Variants in OR2B11 observed in about 807,000 individuals in gnomAD.
OR2B11 encodes the protein olfactory receptor 2B11.
For synonymous variants in OR2B11, 198 were observed against 174.5 expected, an observed-to-expected ratio of 1.13 and a Z score of -1.06; for missense variants, 422 against 400.0, an observed-to-expected ratio of 1.05 and a Z score of -0.47.
rs1054229363 is a variant in OR2B11, at chr1:247,454,936, C to T, written c.-2954G>A. On this transcript the variant is annotated 5_prime_UTR_variant, in exon 2 of 2. Transcript: ENST00000641149. ...TTCAATTACCAAAAACGTAAGAACC[C>T]GTCGCTCAAGAGTTACCTGCTGATT... The T allele has an allele frequency of 1.3e-5, 2 of 152,166 alleles. No homozygotes were observed. Among genetic ancestry groups the T allele is most frequent in the East Asian group, 3.9e-4 (2 of 5,190 alleles). The allele number at this position is 152,166 out of a possible 1,614,324, so 9.4% of individuals were successfully genotyped here.
chr1:247,457,597 T>C (rs1308478925), intron 1 of OR2B11, 42 bp downstream of exon 1: 1 of 152,286 alleles, frequency 6.6e-6, no homozygotes, highest in Non-Finnish European at 1.5e-5. Flanking sequence ...CACTGCACTG[T>C]ACAGATTTCA....
chr1:247,452,075 T>C lies in OR2B11; in HGVS notation c.-93A>G. 5.4e-6 allele frequency: 4 copies of C among 747,620 alleles called. No individual in the cohort carries two copies. The highest frequency in any genetic ancestry group is 9.0e-6 in the Non-Finnish European group (4 of 443,370). 46.3% of individuals were successfully genotyped at this position (747,620 alleles called of 1,614,324 possible). A position where few individuals can be genotyped will look rare whatever the true frequency, so the allele number is the denominator to read the frequency against. On this transcript the variant is annotated 5_prime_UTR_variant, in exon 2 of 2. An upstream start codon of the reference 5' UTR is lost. Transcript: ENST00000641149. ...ATTGATCACTTTCCTCCCTCTTGCATCCACTCTTCCTTTCCCAGGTGATAG... is the reference window on the plus strand; with the variant it reads ...ATTGATCACTTTCCTCCCTCTTGCACCCACTCTTCCTTTCCCAGGTGATAG...
Position 247,452,307 on chromosome 1 carries a change from A to T in OR2B11, c.-325T>A. On this transcript the variant is annotated 5_prime_UTR_variant, in exon 2 of 2. Transcript: ENST00000641149. ...AGACTTGGGGACGATAGAGACATTA[A>T]GTATGTGAGAAGAATACCTCACGAA... 3.3e-6 allele frequency: 1 copy of T among 300,338 alleles called. No individual in the cohort carries two copies. The highest frequency in any genetic ancestry group is 6.3e-6 in the Non-Finnish European group (1 of 159,082). 18.6% of individuals were successfully genotyped at this position (300,338 alleles called of 1,614,324 possible).
intron 1 of OR2B11, among the ~76,000 whole-genome samples, chr1:247,456,988 G>C (rs193246017): frequency 8.5e-4 from 129 of 152,266 alleles, no homozygotes; most frequent in African/African-American, 3.0e-3. Context: ...AGAGTCCTCA[G>C]CCTCGTCAGT....
In OR2B11 at chr1:247,452,260, G is replaced by A. The variant is rs954675374; in HGVS notation, c.-278C>T. The A allele has an allele frequency of 1.3e-5, 5 of 397,248 alleles. No homozygotes were observed. Among genetic ancestry groups the A allele is most frequent in the Non-Finnish European group, 9.1e-6 (2 of 218,748 alleles). 24.6% of individuals were successfully genotyped at this position (397,248 alleles called of 1,614,324 possible). Reference sequence around the variant, plus strand: ...AACTTCTGCATCTGTAAAATGGGGAGAAATACCTCCTTCAATTGCCAAGAC... The same window carrying A: ...AACTTCTGCATCTGTAAAATGGGGAAAAATACCTCCTTCAATTGCCAAGAC... On this transcript the variant is annotated 5_prime_UTR_variant, in exon 2 of 2. Transcript: ENST00000641149.
In OR2B11 at chr1:247,449,859, T is replaced by C. The variant is rs1360689400; in HGVS notation, c.*1170A>G. On this transcript the variant is annotated 3_prime_UTR_variant, in exon 2 of 2. Transcript: ENST00000641149. ...AATAATGTAATCAGAAACACATAGCTGAGCTTGAAAGAGAGAAAGAGAACC... is the reference window on the plus strand; with the variant it reads ...AATAATGTAATCAGAAACACATAGCCGAGCTTGAAAGAGAGAAAGAGAACC... 6.6e-6 allele frequency: 1 copy of C among 152,194 alleles called. No homozygotes were observed. Among genetic ancestry groups the C allele is most frequent in the Non-Finnish European group, 1.5e-5 (1 of 68,034 alleles). 9.4% of individuals were successfully genotyped at this position (152,194 alleles called of 1,614,324 possible).
Position 247,453,934 on chromosome 1 carries a change from C to T in OR2B11, c.-1952G>A, listed in dbSNP as rs1664902784. On this transcript the variant is annotated 5_prime_UTR_variant, in exon 2 of 2. Transcript: ENST00000641149. Reference sequence around the variant, plus strand: ...CAGGACTGAAAGCCAAACTCCTGCTCTTCACTACTATTCTCTCCAGAACTT... The same window carrying T: ...CAGGACTGAAAGCCAAACTCCTGCTTTTCACTACTATTCTCTCCAGAACTT... The T allele has an allele frequency of 6.6e-6, 1 of 152,186 alleles. No homozygotes were observed. Among genetic ancestry groups the T allele is most frequent in the African/African-American group, 2.4e-5 (1 of 41,434 alleles). 9.4% of individuals were successfully genotyped at this position (152,186 alleles called of 1,614,324 possible).
rs925246887 is a variant in OR2B11, at chr1:247,452,328, A to G, written c.-346T>C. On this transcript the variant is annotated 5_prime_UTR_variant, in exon 2 of 2. Coordinates refer to ENST00000641149, the MANE Select transcript of OR2B11 (RefSeq NM_001004492.2). ...ATTAAGTATGTGAGAAGAATACCTC[A>G]CGAATGACAATTATGTTCCAGGTAG... 8.0e-6 allele frequency: 2 copies of G among 251,312 alleles called. No homozygotes were observed. The highest frequency in any genetic ancestry group is 1.5e-5 in the Non-Finnish European group (2 of 129,224). 15.6% of individuals were successfully genotyped at this position (251,312 alleles called of 1,614,324 possible). A position where few individuals can be genotyped will look rare whatever the true frequency, so the allele number is the denominator to read the frequency against.
chr1:247,451,302 C>T lies in OR2B11; in HGVS notation c.681G>A (p.Arg227=). 6.2e-7 allele frequency: 1 copy of T among 1,614,110 alleles called. No individual in the cohort carries two copies. Among genetic ancestry groups the T allele is most frequent in the Non-Finnish European group, 8.5e-7 (1 of 1,180,024 alleles). ...LILLSYGFIA[R]AVLRIQSSKG... Reference sequence around the variant, plus strand: ...TGGAGGACTGGATCCTGAGCACTGCCCGGGCAATAAAGCCATAGGAGAGAA... The same window carrying T: ...TGGAGGACTGGATCCTGAGCACTGCTCGGGCAATAAAGCCATAGGAGAGAA... The change falls in exon 2 of 2, where the codon CGG becomes CGA. Residue 227 remains arginine (R), a synonymous_variant. Coordinates refer to ENST00000641149, the MANE Select transcript of OR2B11 (RefSeq NM_001004492.2).
chr1:247,457,767 AACACAC>A lies in OR2B11; in HGVS notation c.-3217_-3212del, dbSNP rs1337693895. 1 of 152,222 alleles carries A rather than the reference AACACAC, an allele frequency of 6.6e-6. No homozygotes were observed. Among genetic ancestry groups the A allele is most frequent in the East Asian group, 1.9e-4 (1 of 5,188 alleles). 9.4% of individuals were successfully genotyped at this position (152,222 alleles called of 1,614,324 possible). A position where few individuals can be genotyped will look rare whatever the true frequency, so the allele number is the denominator to read the frequency against. The stretch of plus-strand genomic sequence containing the variant: ...CTAGAAATGCTCTTCATATTCCAGG[AACACAC>A]AGCACATTTCCTCTGATGGGCTGCT... On this transcript the variant is annotated 5_prime_UTR_variant, in exon 1 of 2. Transcript: ENST00000641149.
Position 247,451,577 on chromosome 1 carries a change from A to G in OR2B11, c.406T>C (p.Tyr136His), listed in dbSNP as rs1664848446. 1 of 1,613,556 alleles carries G rather than the reference A, an allele frequency of 6.2e-7. No individual in the cohort carries two copies. The change falls in exon 2 of 2, where the codon TAT becomes CAT. Residue 136 changes from tyrosine to histidine, a missense_variant. Transcript: ENST00000641149. ...RYVAICKPLH[Y>H]AVLMHRALCQ... ...AGAGCACGGTGCATGAGAACGGCAT[A>G]GTGCAGGGGCTTGCAGATGGCCACG...
intron 1 of OR2B11, among the ~76,000 whole-genome samples, chr1:247,456,917 G>A (rs1416567870): frequency 3.9e-5 from 6 of 152,138 alleles, no homozygotes; most frequent in African/African-American, 1.4e-4. Context: ...AATGATTATT[G>A]ATTTTGTTAG....
In OR2B11 at chr1:247,454,378, C is replaced by T. The variant is rs758923799; in HGVS notation, c.-2396G>A. 1 of 152,382 alleles carries T rather than the reference C, an allele frequency of 6.6e-6. No homozygotes were observed. The highest frequency in any genetic ancestry group is 1.5e-5 in the Non-Finnish European group (1 of 68,170). 9.4% of individuals were successfully genotyped at this position (152,382 alleles called of 1,614,324 possible). On this transcript the variant is annotated 5_prime_UTR_variant, in exon 2 of 2. Transcript: ENST00000641149. ...CTTCCCACTACCCAAGTACAGGTGC[C>T]CCCTCAAGGCACAGCCTTGCTTCCC... is the stretch of plus-strand genomic sequence containing the variant.
Position 247,451,442 on chromosome 1 carries a change from AGTT to A in OR2B11, c.538_540del (p.Asn180del). 6.2e-7 allele frequency: 1 copy of A among 1,614,126 alleles called. No individual in the cohort carries two copies. The highest frequency in any genetic ancestry group is 8.5e-7 in the Non-Finnish European group (1 of 1,180,006). On this transcript the variant is annotated inframe_deletion, in exon 2 of 2. Transcript: ENST00000641149. ...ATCACGGCCGGCACCTCACAGAAAA[AGTT>A]GTTCAGCACCTGCCGCCCGCAGAAT... is the stretch of plus-strand genomic sequence containing the variant.
rs1051428819 is a variant in OR2B11 at position 247,452,650 on chromosome 1, G to A, written c.-668C>T. ...CCTGTCACTCACACTGGCAGTAAAA[G>A]CAGCACAATTCTAGGTCCTGTGAGT... is the stretch of plus-strand genomic sequence containing the variant. On this transcript the variant is annotated 5_prime_UTR_variant, in exon 2 of 2. Transcript: ENST00000641149. 2 of 153,798 alleles carry A rather than the reference G, an allele frequency of 1.3e-5. No individual in the cohort carries two copies. Among genetic ancestry groups the A allele is most frequent in the African/African-American group, 2.4e-5 (1 of 41,446 alleles). The allele number at this position is 153,798 out of a possible 1,614,324, so 9.5% of individuals were successfully genotyped here. A position where few individuals can be genotyped will look rare whatever the true frequency, so the allele number is the denominator to read the frequency against.
In OR2B11 at chr1:247,454,186, C is replaced by CAA. The variant is rs1664910405; in HGVS notation, c.-2205_-2204insTT. 1 of 16,508 alleles carries CAA rather than the reference C, an allele frequency of 6.1e-5. No individual in the cohort carries two copies. Among genetic ancestry groups the CAA allele is most frequent in the African/African-American group, 7.1e-5 (1 of 14,154 alleles). 1.0% of individuals were successfully genotyped at this position (16,508 alleles called of 1,614,324 possible). A position where few individuals can be genotyped will look rare whatever the true frequency, so the allele number is the denominator to read the frequency against. ...ACATGCATGCACGTGCACACGCACA[C>CAA]ACACACACACACACACACACGCACA... On this transcript the variant is annotated 5_prime_UTR_variant, in exon 2 of 2. It introduces an in-frame stop codon into an upstream open reading frame of the 5' UTR. Coordinates refer to ENST00000641149, the MANE Select transcript of OR2B11 (RefSeq NM_001004492.2).
In OR2B11 at chr1:247,449,485, T is replaced by A. The variant is rs1162768549; in HGVS notation, c.*1544A>T. The A allele has an allele frequency of 1.3e-5, 2 of 152,350 alleles. No homozygotes were observed. The highest frequency in any genetic ancestry group is 3.9e-4 in the East Asian group (2 of 5,188). 9.4% of individuals were successfully genotyped at this position (152,350 alleles called of 1,614,324 possible). The stretch of plus-strand genomic sequence containing the variant: ...TTGCTTCTCTACACATGGACAACTC[T>A]TAAACCGCATGGAATTGCTCAGGAT... On this transcript the variant is annotated 3_prime_UTR_variant, in exon 2 of 2. Transcript: ENST00000641149.
Position 247,451,225 on chromosome 1 carries a change from G to C in OR2B11, c.758C>G (p.Ser253Cys). Residue 253 changes from serine to cysteine, a missense_variant, in exon 2 of 2, where the codon TCC becomes TGC. Coordinates refer to ENST00000641149, the MANE Select transcript of OR2B11 (RefSeq NM_001004492.2). ...GTAAATCGCAGGTAGGTAGAAGAGG[G>C]AGACGATCATCAGGTGGGAGGAACA... ...GTCSSHLMIV[S>C]LFYLPAIYMY... 1 of 1,599,606 alleles carries C rather than the reference G, an allele frequency of 6.3e-7. No individual in the cohort carries two copies.
intron 1 of OR2B11, among the ~76,000 whole-genome samples, chr1:247,455,721 G>T (rs1489308151): frequency 6.6e-6 from 1 of 152,164 alleles, no homozygotes; most frequent in Admixed American, 6.5e-5. Flanking sequence ...TGCATGCACA[G>T]TCCTTTCTCA....
Sources: allele counts gnomAD v4.1 joint callset (sites outside exome capture counted in the v4.1 genomes callset), GRCh38; gene constraint gnomAD v4.1.1; transcripts MANE v1.5; gene names NCBI Gene and HGNC (gene_info 2026-07-23, HGNC 2026-07-21).